TENM2: variants seen among roughly 807,000 people sequenced by gnomAD.
TENM2 encodes teneurin-2.
In TENM2, 52 loss-of-function variants were observed where a neutral mutation model predicts 245.2. The ratio of observed to expected loss-of-function variants is 0.21; its 90% CI spans 0.17 to 0.27. TENM2 has a LOEUF of 0.27. TENM2 is among the 10% of genes least tolerant of loss of function. The pLI is 1.00. For synonymous variants in TENM2, 1,363 were observed against 1,438.9 expected (o/e 0.95, Z 1.19); for missense variants, 3,046 against 3,666.8 (o/e 0.83, Z 4.37).
At chr5:168,090,574 T>C in exon 8 of TENM2, 1 of 1,612,034 alleles carries the variant, frequency 6.2e-7, no homozygotes, top group Non-Finnish European at 8.5e-7. Flanking sequence ...CTTTTCCCAG[T>C]ATGACTTCAT....
rs767488570 is a variant in TENM2 at position 167,702,814 on chromosome 5, G to A, written c.503-173172G>A. Reference sequence around the variant, plus strand: ...CAAGTAGCTGGGATTACAGGCATGCGCCACCATGCCCAGGTAATTTTTGTA... The same window carrying A: ...CAAGTAGCTGGGATTACAGGCATGCACCACCATGCCCAGGTAATTTTTGTA... On this transcript the variant is annotated intron_variant, in intron 2 of 28. Coordinates refer to ENST00000518659, the Ensembl canonical transcript of TENM2. Among the ~76,000 whole-genome samples, 117 of 151,914 alleles carry A rather than the reference G, an allele frequency of 7.7e-4. 1 individual carries two copies. Among genetic ancestry groups the A allele is most frequent in the East Asian group, 9.8e-4 (5 of 5,120 alleles).
intron 2 of TENM2, among the ~76,000 whole-genome samples, chr5:167,432,519 C>T (rs1442350049): frequency 1.3e-5 from 2 of 151,680 alleles, no homozygotes; most frequent in African/African-American, 2.4e-5. Flanking sequence ...GCTGTTGGAA[C>T]GCTTATTTTA....
the TENM2 span, among the ~76,000 whole-genome samples, chr5:167,107,811 C>G: frequency 3.9e-5 from 6 of 152,180 alleles, no homozygotes; most frequent in African/African-American, 1.4e-4. Context: ...TTGCTTATCT[C>G]AAAAGTCTGT....
At chr5:166,981,148 G>A in the TENM2 span, among the ~76,000 whole-genome samples, 2,398 of 152,314 alleles carry the variant, frequency 0.016, 33 homozygotes, top group Non-Finnish European at 0.025. Flanking sequence ...GGTCCCCTGT[G>A]TTGACAAAAG....
upstream of TENM2, among the ~76,000 whole-genome samples, chr5:167,280,726 A>G (rs1770993348): frequency 2.0e-5 from 3 of 150,456 alleles, no homozygotes; most frequent in South Asian, 6.4e-4. Context: ...TGTCTGGGAT[A>G]TCTATATCTA....
intron 3 of TENM2, among the ~76,000 whole-genome samples, chr5:167,948,393 C>T (rs1779809773): frequency 6.6e-6 from 1 of 152,264 alleles, no homozygotes; most frequent in Non-Finnish European, 1.5e-5. Context: ...ACAGACCATT[C>T]TTTAGCAGGA....
chr5:167,780,221 C>A (rs1281551032), intron 2 of TENM2, among the ~76,000 whole-genome samples: 1 of 152,190 alleles, frequency 6.6e-6, no homozygotes, highest in African/African-American at 2.4e-5. Flanking sequence ...TCATAACAGT[C>A]GATCCTTGTG....
the TENM2 span, among the ~76,000 whole-genome samples, chr5:167,079,541 G>A: frequency 2.3e-4 from 34 of 151,012 alleles, no homozygotes; most frequent in African/African-American, 7.5e-4. Flanking sequence ...TTGAACTCCC[G>A]ACCTCAGGCG....
chr5:167,839,120 C>T (rs1342544734), intron 2 of TENM2, among the ~76,000 whole-genome samples: 3 of 152,180 alleles, frequency 2.0e-5, no homozygotes, highest in Non-Finnish European at 2.9e-5. Context: ...AAAATCCTTT[C>T]GTTTAACACT....
rs1775807112 is a variant in TENM2, at chr5:167,590,549, A to G, written c.502+215076A>G. On this transcript the variant is annotated intron_variant, in intron 2 of 28. Coordinates refer to ENST00000518659, the Ensembl canonical transcript of TENM2. Reference sequence around the variant, plus strand: ...AAGTTTATAGTAAGCTTAATGTAATAGAAGAACCACTCCTTTTTATTTTTT... The same window carrying G: ...AAGTTTATAGTAAGCTTAATGTAATGGAAGAACCACTCCTTTTTATTTTTT... 3.9e-5 allele frequency among the ~76,000 whole-genome samples: 6 copies of G among 152,054 alleles called. No homozygotes were observed. The South Asian group carries it at 1.2e-3, about 32-fold the overall frequency.
At chr5:167,441,857 A>T (rs1764897747) in intron 2 of TENM2, among the ~76,000 whole-genome samples, 2 of 152,182 alleles carry the variant, frequency 1.3e-5, no homozygotes, top group Non-Finnish European at 2.9e-5. Flanking sequence ...AAGGATGTGC[A>T]ACTATAGAGA....
At chr5:167,281,947 C>T (rs563767318), upstream of TENM2, among the ~76,000 whole-genome samples, 50 of 140,462 alleles carry the variant, frequency 3.6e-4, no homozygotes, top group South Asian at 5.4e-3. Flanking sequence ...ATGCAGTGAG[C>T]GGAGATCACG....
chr5:167,098,600 A>G, the TENM2 span, among the ~76,000 whole-genome samples: 1 of 152,188 alleles, frequency 6.6e-6, no homozygotes, highest in Non-Finnish European at 1.5e-5. Context: ...TGTTAAATCC[A>G]TATTAGAACC....
At chr5:168,236,761 C>T (rs747088916) in intron 25 of TENM2, among the ~76,000 whole-genome samples, 1 of 150,336 alleles carries the variant, frequency 6.7e-6, no homozygotes, top group Non-Finnish European at 1.5e-5. Context: ...GAGTAGGTGC[C>T]CAGTAAATAT....
chr5:167,693,265 T>C (rs1757548195), intron 2 of TENM2, among the ~76,000 whole-genome samples: 1 of 152,116 alleles, frequency 6.6e-6, no homozygotes, highest in Admixed American at 6.5e-5. Flanking sequence ...CTGCCCCTAT[T>C]GGTCAATAGA....
intron 2 of TENM2, among the ~76,000 whole-genome samples, chr5:167,690,509 A>G (rs1161221763): frequency 2.0e-5 from 3 of 152,206 alleles, no homozygotes; most frequent in Non-Finnish European, 4.4e-5. Flanking sequence ...CACATCCTGA[A>G]AAGGGCACTG....
At chr5:167,559,682 G>A (rs1478670598) in intron 2 of TENM2, among the ~76,000 whole-genome samples, 1 of 152,100 alleles carries the variant, frequency 6.6e-6, no homozygotes, top group Non-Finnish European at 1.5e-5. Context: ...GTGCCTGTAG[G>A]GGTGGGAGTA....
chr5:167,999,097 G>C (rs1246941903), intron 5 of TENM2, among the ~76,000 whole-genome samples: 1 of 152,178 alleles, frequency 6.6e-6, no homozygotes, highest in African/African-American at 2.4e-5. Flanking sequence ...GGCATCTTTT[G>C]TGGGGGCGCA....
At chr5:167,105,177 C>G in the TENM2 span, among the ~76,000 whole-genome samples, 6 of 152,138 alleles carry the variant, frequency 3.9e-5, no homozygotes, top group Admixed American at 2.0e-4. Context: ...TTGTAGCATA[C>G]TGATGTAGTT....
Sources: allele counts gnomAD v4.1 joint callset (sites outside exome capture counted in the v4.1 genomes callset), GRCh38; gene constraint gnomAD v4.1.1; transcripts MANE v1.5; gene names NCBI Gene and HGNC (gene_info 2026-07-23, HGNC 2026-07-21).